PACSIN3: variants seen among roughly 807,000 people sequenced by gnomAD.
The protein encoded by PACSIN3 is protein kinase C and casein kinase substrate in neurons 3, also known as protein kinase C and casein kinase substrate in neurons protein 3.
PACSIN3 carries 34 observed loss-of-function variants against 56.1 expected under a neutral mutation model. That is an observed-to-expected ratio of 0.61 (90% CI 0.46 to 0.81). The LOEUF is 0.81. PACSIN3 is among the 30% of genes least tolerant of loss of function. The pLI, the probability that PACSIN3 is intolerant of heterozygous loss-of-function variation, is 0.00. For missense variants in PACSIN3, 535 were observed against 592.4 expected, an observed-to-expected ratio of 0.90 and a Z score of 1.01; for synonymous variants, 218 against 229.8, an observed-to-expected ratio of 0.95 and a Z score of 0.46.
In PACSIN3 at chr11:47,178,443, T is replaced by A; in HGVS notation, c.1082A>T (p.Lys361Met). 2 of 1,613,870 alleles carry A rather than the reference T, an allele frequency of 1.2e-6. No individual in the cohort carries two copies. The highest frequency in any genetic ancestry group is 1.7e-6 in the Non-Finnish European group (2 of 1,179,966). The change falls in exon 10 of 11, where the codon AAG becomes ATG. Residue 361 changes from lysine (K) to methionine (M), a missense_variant. Physicochemically the swap from Lys to Met is moderately conservative, Grantham distance 95. Coordinates refer to ENST00000298838, the MANE Select transcript of PACSIN3 (RefSeq NM_016223.5). This position sits in a 1 kb window ranked among gnomAD's most constrained non-coding sequence, Gnocchi z 4.2. ...EEWSDEESPR[K>M]AATGVRVRAL... is the part of the protein sequence containing the mutation. Reference sequence around the variant, plus strand: ...CCTCACCCGAACCCCGGTGGCAGCCTTCCGGGGACTCTCTTCATCTGACCA... The same window carrying A: ...CCTCACCCGAACCCCGGTGGCAGCCATCCGGGGACTCTCTTCATCTGACCA...
intron 6 of PACSIN3, 78 bp downstream of exon 6, chr11:47,180,108 C>T: frequency 1.5e-6 from 2 of 1,367,116 alleles, no homozygotes; most frequent in African/African-American, 1.4e-5. Flanking sequence ...GGGGACTGGA[C>T]AAGATGTTCA....
At chr11:47,180,378 C>T (rs1052894056) in intron 5 of PACSIN3, 37 bp from the exon 6 acceptor site, 1 of 1,600,218 alleles carries the variant, frequency 6.2e-7, no homozygotes, top group African/African-American at 1.3e-5. Context: ...CCCTGGATGC[C>T]ACACCTTGGC....
intron 4 of PACSIN3, among the ~76,000 whole-genome samples, chr11:47,182,035 C>T (rs1409121474): frequency 6.6e-6 from 1 of 151,494 alleles, no homozygotes; most frequent in Non-Finnish European, 1.5e-5. Flanking sequence ...GCCTGTAATC[C>T]CAGCTACTTG....
At chr11:47,182,199 G>A (rs1048400504) in intron 4 of PACSIN3, among the ~76,000 whole-genome samples, 2 of 151,972 alleles carry the variant, frequency 1.3e-5, no homozygotes, top group East Asian at 1.9e-4. Context: ...TCTCCACAGG[G>A]TTGTTGCAAC....
At position 47,177,900 on chromosome 11, in the gene PACSIN3, G is replaced by C; in HGVS notation, c.*31C>G. 1 of 1,543,326 alleles carries C rather than the reference G, an allele frequency of 6.5e-7. No individual in the cohort carries two copies. Among genetic ancestry groups the C allele is most frequent in the East Asian group, 2.2e-5 (1 of 44,544 alleles). ...AGAAGCTGGGCTCTGAACCAGGGTG[G>C]GTAAACGTTGCAGAAGGGCTGTCAG... On this transcript the variant is annotated 3_prime_UTR_variant, in exon 11 of 11. Coordinates refer to ENST00000298838, the MANE Select transcript of PACSIN3 (RefSeq NM_016223.5).
Position 47,179,534 on chromosome 11 carries a change from C to T in PACSIN3, c.656G>A (p.Arg219His), listed in dbSNP as rs549826440. 3.2e-5 allele frequency: 51 copies of T among 1,613,912 alleles called. No homozygotes were observed. The South Asian group carries it at 4.6e-4, about 15-fold the overall frequency. Residue 219 changes from arginine (R) to histidine (H), a missense_variant, in exon 7 of 11, where the codon CGC becomes CAC. Arg to His is a conservative substitution (Grantham distance 29). Coordinates refer to ENST00000298838, the MANE Select transcript of PACSIN3 (RefSeq NM_016223.5). This position sits in a 1 kb window ranked among gnomAD's most constrained non-coding sequence, Gnocchi z 4.4. Reference protein sequence around the residue: ...TLAELHRYTPRYMEDMEQAFE... With the variant: ...TLAELHRYTPHYMEDMEQAFE... Reference sequence around the variant, plus strand: ...GGCCTGTTCCATGTCCTCCATGTAGCGTGGAGTGTAGCGATGCAGCTCTGC... The same window carrying T: ...GGCCTGTTCCATGTCCTCCATGTAGTGTGGAGTGTAGCGATGCAGCTCTGC...
intron 1 of PACSIN3, among the ~76,000 whole-genome samples, chr11:47,184,014 CAAA>C (rs58025457): frequency 4.3e-5 from 5 of 116,298 alleles, no homozygotes; most frequent in Admixed American, 8.9e-5. Context: ...GAGACTGTCT[CAAA>C]AAAAAAAAAA....
In PACSIN3 at chr11:47,178,173, G is replaced by A. The variant is rs1952925320; in HGVS notation, c.1160-127C>T. The A allele has an allele frequency of 8.7e-7, 1 of 1,145,616 alleles. No homozygotes were observed. Among genetic ancestry groups the A allele is most frequent in the African/African-American group, 1.5e-5 (1 of 65,232 alleles). The allele number at this position is 1,145,616 out of a possible 1,614,324, so 71.0% of individuals were successfully genotyped here. On this transcript the variant is annotated intron_variant, in intron 10 of 10. Transcript: ENST00000298838. This position sits in a 1 kb window ranked among gnomAD's most constrained non-coding sequence, Gnocchi z 4.2. Reference sequence around the variant, plus strand: ...CTAGCAAAGACATGGCTCAGGCAGAGGCAGGTCAAGGTCAGCAAGCTGCCC... The same window carrying A: ...CTAGCAAAGACATGGCTCAGGCAGAAGCAGGTCAAGGTCAGCAAGCTGCCC...
rs142191658 is a variant in PACSIN3 at position 47,182,544 on chromosome 11, G to A, written c.70C>T (p.Arg24Cys). Residue 24 changes from arginine to cysteine, a missense_variant, in exon 4 of 11, where the codon CGC becomes TGC. By Grantham distance (180) the Arg-to-Cys change is radical (BLOSUM62 -3). Transcript: ENST00000298838. ...CCGTCCTCCACCCGCTGTACCGTGCGCCTGTAGTTGCCAGCCTGGGCATAC... is the reference window on the plus strand; with the variant it reads ...CCGTCCTCCACCCGCTGTACCGTGCACCTGTAGTTGCCAGCCTGGGCATAC... The part of the protein sequence containing the change: ...GSFWEAGNYR[R>C]TVQRVEDGHR... 19 of 1,610,654 alleles carry A rather than the reference G, an allele frequency of 1.2e-5. No individual in the cohort carries two copies. Among genetic ancestry groups the A allele is most frequent in the Middle Eastern group, 3.3e-4 (2 of 6,062 alleles).
Position 47,178,948 on chromosome 11 carries a change from A to G in PACSIN3, c.983T>C (p.Ile328Thr), listed in dbSNP as rs576577136. 88 of 1,613,990 alleles carry G rather than the reference A, an allele frequency of 5.5e-5. No individual in the cohort carries two copies. In the East Asian group the frequency reaches 7.8e-4, roughly 14 times the overall value. The change falls in exon 9 of 11, where the codon ATT becomes ACT. Residue 328 changes from isoleucine to threonine, a missense_variant. Coordinates refer to ENST00000298838, the MANE Select transcript of PACSIN3 (RefSeq NM_016223.5). The surrounding 1 kb of genome is among the most constrained non-coding windows in gnomAD (Gnocchi z 4.2). ...RSPDEVTLTSIVPTRDGTAPP... is the reference protein window; with the variant it reads ...RSPDEVTLTSTVPTRDGTAPP... ...TGCGGTGCCATCTCTTGTAGGCACA[A>G]TGCTGGTCAGGGTAACCTCATCAGG...
At chr11:47,180,114 G>A in intron 6 of PACSIN3, 72 bp downstream of exon 6, 1 of 1,422,456 alleles carries the variant, frequency 7.0e-7, no homozygotes, top group Non-Finnish European at 9.7e-7. Flanking sequence ...TGGACAAGAT[G>A]TTCAGGGAGC....
intron 4 of PACSIN3, among the ~76,000 whole-genome samples, chr11:47,181,279 AGAG>A (rs1953019625): frequency 6.8e-6 from 1 of 147,650 alleles, no homozygotes; most frequent in East Asian, 1.9e-4. Flanking sequence ...AAGAAAAAAA[AGAG>A]GAGCTGAGAT....
At chr11:47,183,843 G>A (rs564453393) in intron 1 of PACSIN3, among the ~76,000 whole-genome samples, 6 of 152,320 alleles carry the variant, frequency 3.9e-5, no homozygotes, top group African/African-American at 1.4e-4. Flanking sequence ...CCAACATGGA[G>A]GAACCTCGTC....
chr11:47,182,584 A>T, intron 3 of PACSIN3, 25 bp from the exon 4 acceptor site: 1 of 1,605,500 alleles, frequency 6.2e-7, no homozygotes, highest in Non-Finnish European at 8.5e-7. Context: ...AAAGGGTGCC[A>T]TCACCAGGGA....
At chr11:47,182,806 G>C (rs529834327) in intron 2 of PACSIN3, 42 bp from the exon 3 acceptor site, 80 of 1,459,186 alleles carry the variant, frequency 5.5e-5, no homozygotes, top group Non-Finnish European at 7.3e-5. Flanking sequence ...TGGACATTAT[G>C]TTTCTGGGGA....
At chr11:47,181,530 G>T (rs1178169498) in intron 4 of PACSIN3, among the ~76,000 whole-genome samples, 1 of 151,370 alleles carries the variant, frequency 6.6e-6, no homozygotes, top group Non-Finnish European at 1.5e-5. Flanking sequence ...GGTGGCTCAT[G>T]CCTGTAATCC....
In PACSIN3 at chr11:47,178,059, G is replaced by T; in HGVS notation, c.1160-13C>A. The stretch of plus-strand genomic sequence containing the variant: ...AGCAGCTCCTCCCCTGGGGGAAAGG[G>T]GATTGGTCACTGCCAGTGGCCCTGG... On this transcript the variant is annotated splice_polypyrimidine_tract_variant and intron_variant, in intron 10 of 10. Transcript: ENST00000298838. The surrounding 1 kb of genome is among the most constrained non-coding windows in gnomAD (Gnocchi z 4.2). 6.2e-7 allele frequency: 1 copy of T among 1,607,998 alleles called. No homozygotes were observed. The highest frequency in any genetic ancestry group is 8.5e-7 in the Non-Finnish European group (1 of 1,175,336).
chr11:47,182,862 C>G, intron 2 of PACSIN3, 98 bp from the exon 3 acceptor site: 1 of 853,304 alleles, frequency 1.2e-6, no homozygotes, highest in Non-Finnish European at 1.8e-6. Context: ...CACTGCCATC[C>G]CCACCACCCA....
rs577968779 is a variant in PACSIN3 at position 47,179,144 on chromosome 11, G to A, written c.900+15C>T. 9.4e-5 allele frequency: 152 copies of A among 1,613,230 alleles called. 2 individuals carry two copies. In the South Asian group the frequency reaches 1.4e-3, roughly 15 times the overall value. ...CCATCCCACCTCCCATCCCCACCCC[G>A]CCTGGAACACATGCCTCGAACTGTG... On this transcript the variant is annotated intron_variant, in intron 8 of 10. Coordinates refer to ENST00000298838, the MANE Select transcript of PACSIN3 (RefSeq NM_016223.5). The surrounding 1 kb of genome is among the most constrained non-coding windows in gnomAD (Gnocchi z 4.4).
Sources: allele counts gnomAD v4.1 joint callset (sites outside exome capture counted in the v4.1 genomes callset), GRCh38; gene constraint gnomAD v4.1.1; non-coding constraint Gnocchi (gnomAD v3.1); transcripts MANE v1.5; gene names NCBI Gene and HGNC (gene_info 2026-07-23, HGNC 2026-07-21).